The following ERC2 variants were observed in gnomAD, a reference collection of about 807,000 sequenced individuals.
The protein encoded by ERC2 is ERC protein 2.
A neutral mutation model predicts 114.8 loss-of-function variants in ERC2; 42 were observed. The observed-to-expected ratio is 0.37, with a 90% CI of 0.29 to 0.47. The LOEUF (loss-of-function observed/expected upper bound fraction) is 0.47. ERC2 is among the 20% of genes least tolerant of loss of function. The pLI, the probability that ERC2 is intolerant of heterozygous loss-of-function variation, is 0.99. For missense variants in ERC2, 939 were observed against 1,150.7 expected (o/e 0.82, Z 2.66); for synonymous variants, 454 against 425.5 (o/e 1.07, Z -0.82).
At chr3:56,296,605 T>C (rs137904435) in intron 2 of ERC2, among the ~76,000 whole-genome samples, 170 bp from the exon 3 acceptor site, 1 of 152,094 alleles carries the variant, frequency 6.6e-6, no homozygotes, top group Non-Finnish European at 1.5e-5. Flanking sequence ...GGACAGCACA[T>C]GGAGAGGGGG....
intron 1 of ERC2, among the ~76,000 whole-genome samples, chr3:56,446,351 A>T (rs183672444): frequency 6.6e-6 from 1 of 152,142 alleles, no homozygotes; most frequent in African/African-American, 2.4e-5. Flanking sequence ...CCCTATTGAC[A>T]AAGTGTGTGG....
chr3:55,857,198 AAAAT>A (rs2061826330), intron 14 of ERC2, among the ~76,000 whole-genome samples: 1 of 152,190 alleles, frequency 6.6e-6, no homozygotes, highest in Admixed American at 6.5e-5. Flanking sequence ...TTAAAAAAGA[AAAAT>A]AAAACAGAGA....
chr3:55,691,788 A>G (rs1211473214), intron 16 of ERC2, among the ~76,000 whole-genome samples: 1 of 151,702 alleles, frequency 6.6e-6, no homozygotes, highest in Non-Finnish European at 1.5e-5. Flanking sequence ...TCTTCAGTGA[A>G]GGAAACATGA....
chr3:56,143,040 T>G lies in ERC2; in HGVS notation c.1306-3364A>C, dbSNP rs113097511. ...TGTGGTTATGGATTCTGAGAACAAATTTTTTCATCTTTTACTTGGCTCAAA... is the reference window on the plus strand; with the variant it reads ...TGTGGTTATGGATTCTGAGAACAAAGTTTTTCATCTTTTACTTGGCTCAAA... On this transcript the variant is annotated intron_variant, in intron 5 of 17. Transcript: ENST00000288221. 3.9e-3 allele frequency among the ~76,000 whole-genome samples: 590 copies of G among 152,266 alleles called. 2 individuals are homozygous for G. The highest frequency in any genetic ancestry group is 0.014 in the African/African-American group (569 of 41,562).
At position 56,128,870 on chromosome 3, in the gene ERC2, A is replaced by G. The variant is rs115814422; in HGVS notation, c.1473+10639T>C. On this transcript the variant is annotated intron_variant, in intron 6 of 17. Coordinates refer to ENST00000288221, the MANE Select transcript of ERC2 (RefSeq NM_015576.3). ...TTTCCTTCACATTTGACCAGATCTT[A>G]ATAACCAAACACAGAATCTGTCCCG... Among the ~76,000 whole-genome samples the G allele has an allele frequency of 5.1e-3, 780 of 152,342 alleles. 8 individuals carry two copies. Among genetic ancestry groups the G allele is most frequent in the African/African-American group, 0.018 (749 of 41,586 alleles).
At chr3:56,200,811 A>T (rs1487060404) in intron 3 of ERC2, among the ~76,000 whole-genome samples, 1 of 152,244 alleles carries the variant, frequency 6.6e-6, no homozygotes, top group African/African-American at 2.4e-5. Flanking sequence ...TTATGTCGGT[A>T]GCTTGAAATG....
intron 7 of ERC2, among the ~76,000 whole-genome samples, chr3:56,076,561 G>A (rs1203611995): frequency 6.6e-6 from 1 of 152,146 alleles, no homozygotes; most frequent in Non-Finnish European, 1.5e-5. Context: ...CAATGTCACA[G>A]CCCCACGGGA....
In ERC2 at chr3:56,071,845, T is replaced by A. The variant is rs150092340; in HGVS notation, c.1641+8972A>T. 5.2e-4 allele frequency among the ~76,000 whole-genome samples: 79 copies of A among 152,306 alleles called. No individual in the cohort carries two copies. The East Asian group carries it at 0.014, about 27-fold the overall frequency. ...TTTACCATGGAAGCCACAATCTCTATCCAAGAGACATGAAGCACACACAAA... is the reference window on the plus strand; with the variant it reads ...TTTACCATGGAAGCCACAATCTCTAACCAAGAGACATGAAGCACACACAAA... On this transcript the variant is annotated intron_variant, in intron 7 of 17. Transcript: ENST00000288221.
At chr3:55,548,596 A>G (rs2054923951) in intron 17 of ERC2, among the ~76,000 whole-genome samples, 1 of 152,214 alleles carries the variant, frequency 6.6e-6, no homozygotes, top group Non-Finnish European at 1.5e-5. Context: ...CAAGGAGCTA[A>G]GCATGGCCAA....
chr3:56,329,861 ATATATATATTTCCAC>A (rs575721176), intron 2 of ERC2, among the ~76,000 whole-genome samples: 2,738 of 151,030 alleles, frequency 0.018, 87 homozygotes, highest in African/African-American at 0.06. Context: ...TATTTCCACC[ATATATATATTTCCAC>A]TATATATATT....
In ERC2 at chr3:56,349,721, A is replaced by G. The variant is rs557990103; in HGVS notation, c.658-53286T>C. On this transcript the variant is annotated intron_variant, in intron 2 of 17. Transcript: ENST00000288221. ...GCAGTTCGAGACCAACCTGGCCAAC[A>G]TGGTGAAACCCCATCTCTACTAAAA... 4.2e-3 allele frequency among the ~76,000 whole-genome samples: 647 copies of G among 152,330 alleles called. 4 individuals are homozygous for G. The highest frequency in any genetic ancestry group is 0.014 in the African/African-American group (589 of 41,576).
At chr3:55,664,870 G>C (rs935208492) in intron 17 of ERC2, among the ~76,000 whole-genome samples, 1 of 152,172 alleles carries the variant, frequency 6.6e-6, no homozygotes, top group East Asian at 1.9e-4. Context: ...TTTAGCAGTA[G>C]GTCTGCATTT....
intron 3 of ERC2, among the ~76,000 whole-genome samples, chr3:56,225,444 C>G (rs549537053): frequency 7.2e-5 from 11 of 152,128 alleles, no homozygotes; most frequent in Non-Finnish European, 1.6e-4. Flanking sequence ...CACAAAATAC[C>G]AAACACTTCC....
rs755650194 is a variant in ERC2, at chr3:56,434,760, C to G, written c.248G>C (p.Gly83Ala). The G allele has an allele frequency of 8.1e-6, 13 of 1,613,884 alleles. No individual in the cohort carries two copies. Among genetic ancestry groups the G allele is most frequent in the Non-Finnish European group, 1.0e-5 (12 of 1,179,912 alleles). ...TTYPKGTMTL[G>A]RATNRAVYGG... ...ATATACAGCTCGATTTGTAGCCCTT[C>G]CCAGAGTCATAGTGCCCTTTGGGTA... The change falls in exon 2 of 18, where the codon GGA (glycine) becomes GCA (alanine). Residue 83 changes from glycine to alanine, a missense_variant. Around this residue, in one of 5 missense-constraint regions of ERC2, gnomAD observed 281 missense variants for 307.4 expected, o/e 0.91. Coordinates refer to ENST00000288221, the MANE Select transcript of ERC2 (RefSeq NM_015576.3).
intron 2 of ERC2, among the ~76,000 whole-genome samples, chr3:56,321,496 A>C (rs991239613): frequency 6.6e-6 from 1 of 152,220 alleles, no homozygotes; most frequent in Admixed American, 6.5e-5. Flanking sequence ...GGCACCTCTA[A>C]ACCAGAAGTA....
intron 8 of ERC2, among the ~76,000 whole-genome samples, chr3:56,018,186 A>G (rs181902356): frequency 3.9e-5 from 6 of 152,248 alleles, no homozygotes; most frequent in East Asian, 1.9e-4. Context: ...TTTCTCCTCA[A>G]TATAATCCAC....
At chr3:56,135,847 A>C (rs2080472470) in intron 6 of ERC2, among the ~76,000 whole-genome samples, 1 of 152,226 alleles carries the variant, frequency 6.6e-6, no homozygotes, top group Non-Finnish European at 1.5e-5. Flanking sequence ...GCTAGAGAAC[A>C]CCAATTCATT....
At chr3:56,448,450 A>G (rs2062680190) in intron 1 of ERC2, among the ~76,000 whole-genome samples, 2 of 152,044 alleles carry the variant, frequency 1.3e-5, no homozygotes, top group Non-Finnish European at 2.9e-5. Context: ...GAATACTTAG[A>G]CTCCTCAGAA....
intron 1 of ERC2, among the ~76,000 whole-genome samples, chr3:56,451,311 G>A (rs1291609404): frequency 6.6e-6 from 1 of 151,588 alleles, no homozygotes; most frequent in African/African-American, 2.4e-5. Context: ...CTTTTTACTA[G>A]AAAAGAATAT....
Sources: gnomAD v4.1 joint callset for allele counts (sites outside exome capture counted in the v4.1 genomes callset) on GRCh38, gnomAD v4.1.1 for gene constraint, gnomAD v4.1.1 regional missense constraint, MANE v1.5 for transcripts, NCBI Gene and HGNC (gene_info 2026-07-23, HGNC 2026-07-21) for gene names.